ANKRD36C: variants seen among roughly 807,000 people sequenced by gnomAD.
ANKRD36C encodes the protein ankyrin repeat domain-containing protein 36C.
A neutral mutation model predicts 276.4 loss-of-function variants in ANKRD36C; 61 were observed. The observed-to-expected ratio is 0.22, with a 90% confidence interval of 0.18 to 0.27. ANKRD36C has a LOEUF of 0.27. ANKRD36C is among the 10% of genes least tolerant of loss of function. The pLI is 1.00. For missense variants in ANKRD36C, 1,447 were observed against 2,032.3 expected (o/e 0.71, Z 5.54); for synonymous variants, 483 against 680.1 (o/e 0.71, Z 4.51).
At chr2:95,919,839 T>G in intron 34 of ANKRD36C, 34 bp from the exon 36 acceptor site, 1 of 1,520,476 alleles carries the variant, frequency 6.6e-7, no homozygotes, top group Middle Eastern at 2.2e-4. Flanking sequence ...AATAAATAAA[T>G]AAATCAATGA....
chr2:95,970,716 G>A (rs1414289551), intron 6 of ANKRD36C, among the ~76,000 whole-genome samples: 1 of 152,154 alleles, frequency 6.6e-6, no homozygotes, highest in African/African-American at 2.4e-5. Flanking sequence ...AAGAAAGAAG[G>A]TGAATAAGAA....
At chr2:95,879,232 T>A (rs892389124) in intron 58 of ANKRD36C, among the ~76,000 whole-genome samples, 1 of 152,116 alleles carries the variant, frequency 6.6e-6, no homozygotes, top group Non-Finnish European at 1.5e-5. Context: ...CAGTCCTTTG[T>A]GGGTGTGAGA....
chr2:95,902,686 G>A (rs964019804), intron 42 of ANKRD36C, among the ~76,000 whole-genome samples, 200 bp downstream of exon 54: 3 of 150,284 alleles, frequency 2.0e-5, no homozygotes, highest in Admixed American at 6.7e-5. Context: ...TCAATATGGG[G>A]AAGTGTATAA....
chr2:95,875,258 T>C (rs1309826382), intron 59 of ANKRD36C, among the ~76,000 whole-genome samples: 2 of 152,066 alleles, frequency 1.3e-5, no homozygotes, highest in African/African-American at 4.8e-5. Context: ...CTATTCACAA[T>C]AGCAAAGACT....
chr2:95,937,513 G>A (rs910970217), intron 22 of ANKRD36C, among the ~76,000 whole-genome samples: 1 of 152,388 alleles, frequency 6.6e-6, no homozygotes, highest in South Asian at 2.1e-4. Flanking sequence ...AAAACACAGC[G>A]GTGAGGCATT....
At chr2:95,975,529 G>T (rs1355255257) in intron 6 of ANKRD36C, among the ~76,000 whole-genome samples, 2 of 152,148 alleles carry the variant, frequency 1.3e-5, no homozygotes, top group Admixed American at 1.3e-4. Flanking sequence ...AATGGGGAAA[G>T]GATTCCCTAT....
chr2:95,912,569 T>C, intron 40 of ANKRD36C, 134 bp from the exon 43 acceptor site: 2 of 1,525,820 alleles, frequency 1.3e-6, no homozygotes, highest in Non-Finnish European at 8.9e-7. Context: ...CTATTTTGTG[T>C]CTGGGGACCA....
chr2:95,867,105 T>C (rs1175616397), intron 60 of ANKRD36C, among the ~76,000 whole-genome samples: 1 of 152,156 alleles, frequency 6.6e-6, no homozygotes, highest in Non-Finnish European at 1.5e-5. Context: ...GAAGGTGGAA[T>C]AGTAGAAAAG....
chr2:95,855,377 C>T (rs772917270), exon 63 of ANKRD36C: 9 of 1,613,412 alleles, frequency 5.6e-6, no homozygotes, highest in South Asian at 2.2e-5. Context: ...GCTTTCTGCA[C>T]TCAGCTTGAA....
At chr2:95,961,287 T>C (rs879729913) in intron 8 of ANKRD36C, among the ~76,000 whole-genome samples, 4 of 152,148 alleles carry the variant, frequency 2.6e-5, no homozygotes, top group Admixed American at 2.6e-4. Context: ...ATTTCTTTTA[T>C]CCTCTAGTTT....
chr2:95,862,839 T>C (rs556468614), intron 60 of ANKRD36C, among the ~76,000 whole-genome samples: 1 of 152,062 alleles, frequency 6.6e-6, no homozygotes, highest in South Asian at 2.1e-4. Context: ...AGACCCCAGA[T>C]CTCCTTCACC....
chr2:95,853,857 G>A, exon 64 of ANKRD36C: 1 of 1,607,456 alleles, frequency 6.2e-7, no homozygotes, highest in Non-Finnish European at 8.5e-7. Flanking sequence ...CTGTCTCACA[G>A]CTACCTGATA....
chr2:95,970,420 G>A (rs1678674258), intron 6 of ANKRD36C, among the ~76,000 whole-genome samples: 1 of 152,144 alleles, frequency 6.6e-6, no homozygotes. Context: ...TTCCTTGTCA[G>A]AGAGAAGCTT....
chr2:95,854,374 A>C (rs555016084), intron 63 of ANKRD36C, among the ~76,000 whole-genome samples: 79 of 151,566 alleles, frequency 5.2e-4, no homozygotes, highest in African/African-American at 1.6e-3. Context: ...CTCAGCTGCT[A>C]TATCTCTCCT....
intron 24 of ANKRD36C, among the ~76,000 whole-genome samples, chr2:95,932,611 G>C (rs1469260914): frequency 6.6e-6 from 1 of 152,056 alleles, no homozygotes; most frequent in African/African-American, 2.4e-5. Flanking sequence ...TCAGCAGTAA[G>C]CTTCAGTATT....
chr2:95,888,079 A>G lies in ANKRD36C; in HGVS notation c.2988+13T>C, dbSNP rs1307399865. 1.9e-6 allele frequency: 3 copies of G among 1,609,634 alleles called. No individual in the cohort carries two copies. The highest frequency in any genetic ancestry group is 2.2e-5 in the South Asian group (2 of 90,968). Reference sequence around the variant, plus strand: ...CAGTTAATAGTTCACAATATAAATGACAGTTTAATTACCTTCAAGGCTGGT... The same window carrying G: ...CAGTTAATAGTTCACAATATAAATGGCAGTTTAATTACCTTCAAGGCTGGT... On this transcript the variant is annotated intron_variant, in intron 49 of 66. Transcript: ENST00000456556.
chr2:95,941,545 T>G (rs1677891793), intron 19 of ANKRD36C, among the ~76,000 whole-genome samples: 1 of 152,132 alleles, frequency 6.6e-6, no homozygotes, highest in Non-Finnish European at 1.5e-5. Context: ...GAATGTGAAG[T>G]GTTTCTAGTG....
In ANKRD36C at chr2:95,973,230, G is replaced by A. The variant is rs547546230; in HGVS notation, c.799+4892C>T. On this transcript the variant is annotated intron_variant, in intron 6 of 66. Transcript: ENST00000456556. ...AGATGGAGACCATCCTGGCTAACACGGTGAAACCCCGTCTCTACTAAAAAT... is the reference window on the plus strand; with the variant it reads ...AGATGGAGACCATCCTGGCTAACACAGTGAAACCCCGTCTCTACTAAAAAT... 3.1e-3 allele frequency among the ~76,000 whole-genome samples: 466 copies of A among 152,132 alleles called. 4 individuals carry two copies. The highest frequency in any genetic ancestry group is 0.017 in the Middle Eastern group (5 of 294).
chr2:95,924,289 C>T lies in ANKRD36C; in HGVS notation c.2042-600G>A, dbSNP rs566328242. 7.6e-4 allele frequency among the ~76,000 whole-genome samples: 116 copies of T among 151,678 alleles called. 1 individual carries two copies. Among genetic ancestry groups the T allele is most frequent in the Admixed American group, 3.0e-3 (45 of 15,212 alleles). On this transcript the variant is annotated intron_variant, in intron 30 of 66. Coordinates refer to ENST00000456556, the Ensembl canonical transcript of ANKRD36C. ...CACATGTGGTGGAATAATCTGCCTACATTTCTTGTATCCTCTAGTTTAGCC... is the reference window on the plus strand; with the variant it reads ...CACATGTGGTGGAATAATCTGCCTATATTTCTTGTATCCTCTAGTTTAGCC...
Sources: allele counts gnomAD v4.1 joint callset (sites outside exome capture counted in the v4.1 genomes callset), GRCh38; gene constraint gnomAD v4.1.1; transcripts MANE v1.5; gene names NCBI Gene and HGNC (gene_info 2026-07-23, HGNC 2026-07-21).